The following CALCRL variants were observed in gnomAD, a reference collection of about 807,000 sequenced individuals.
CALCRL encodes the protein calcitonin receptor like receptor, also known as calcitonin gene-related peptide type 1 receptor.
In CALCRL, 27 loss-of-function variants were observed where a neutral mutation model predicts 60.4. The ratio of observed to expected loss-of-function variants is 0.45; its 90% CI spans 0.33 to 0.62. The LOEUF (loss-of-function observed/expected upper bound fraction) is 0.62. Among genes scored for constraint, CALCRL ranks in the 20% least tolerant of loss-of-function variants. The pLI is 0.03. For missense variants in CALCRL, 424 were observed against 540.7 expected (o/e 0.78, Z 2.14); for synonymous variants, 190 against 182.6 (o/e 1.04, Z -0.33).
intron 1 of CALCRL, among the ~76,000 whole-genome samples, chr2:187,396,020 G>GTTT (rs5837034): frequency 2.0e-4 from 29 of 144,816 alleles, no homozygotes; most frequent in African/African-American, 7.1e-4. Flanking sequence ...TCCTGACACT[G>GTTT]TTTGTTGTTG....
rs538024766 is a variant in CALCRL, at chr2:187,367,742, A to C, written c.501-4240T>G. 2.0e-5 allele frequency among the ~76,000 whole-genome samples: 3 copies of C among 152,224 alleles called. No individual in the cohort carries two copies. The South Asian group carries it at 6.2e-4, about 32-fold the overall frequency. On this transcript the variant is annotated intron_variant, in intron 8 of 14. Coordinates refer to ENST00000392370, the MANE Select transcript of CALCRL (RefSeq NM_005795.6). The stretch of plus-strand genomic sequence containing the variant: ...TTTACAAAAATCCTTCGATTTCTTT[A>C]AATTTTATAATATCCCTTTCTATCC...
At chr2:187,379,130 A>G in intron 7 of CALCRL, 99 bp from the exon 8 acceptor site, 1 of 636,850 alleles carries the variant, frequency 1.6e-6, no homozygotes, top group East Asian at 2.6e-5. Flanking sequence ...AATAAACTAT[A>G]TTTTTAGAAA....
chr2:187,444,740 C>A (rs1691090292), intron 1 of CALCRL, among the ~76,000 whole-genome samples: 1 of 151,336 alleles, frequency 6.6e-6, no homozygotes, highest in South Asian at 2.1e-4. Context: ...CTTATTATGT[C>A]CTTAAAAATT....
chr2:187,380,630 T>A, intron 6 of CALCRL, 47 bp downstream of exon 6: 2 of 1,570,978 alleles, frequency 1.3e-6, no homozygotes, highest in Non-Finnish European at 1.8e-6. Context: ...ACCTAGGATT[T>A]ATTAAATAGA....
intron 1 of CALCRL, among the ~76,000 whole-genome samples, chr2:187,401,157 A>G (rs1688872259): frequency 1.3e-5 from 2 of 151,662 alleles, no homozygotes; most frequent in Admixed American, 6.6e-5. Flanking sequence ...CATGAAGTGT[A>G]CGGGTATAGC....
chr2:187,402,261 T>C (rs1030091604), intron 1 of CALCRL, among the ~76,000 whole-genome samples: 1 of 151,704 alleles, frequency 6.6e-6, no homozygotes, highest in African/African-American at 2.4e-5. Context: ...GATCCAGAAA[T>C]GCTAAAAATT....
chr2:187,434,666 ATTGT>A (rs1690554125), intron 1 of CALCRL, among the ~76,000 whole-genome samples: 2 of 152,170 alleles, frequency 1.3e-5, no homozygotes, highest in Admixed American at 6.6e-5. Flanking sequence ...TCATAGCCTC[ATTGT>A]TTGTAATATC....
chr2:187,392,658 ATTG>A (rs1335368877), intron 1 of CALCRL, among the ~76,000 whole-genome samples: 10 of 152,090 alleles, frequency 6.6e-5, no homozygotes, highest in Non-Finnish European at 1.5e-4. Flanking sequence ...TTGTGCTAGA[ATTG>A]TTGTTGCAAG....
At chr2:187,389,706 G>A (rs1688353718) in intron 1 of CALCRL, among the ~76,000 whole-genome samples, 1 of 151,880 alleles carries the variant, frequency 6.6e-6, no homozygotes, top group Admixed American at 6.6e-5. Flanking sequence ...TTTCAGGATG[G>A]TGGGGACACT....
chr2:187,378,899 G>A, intron 8 of CALCRL, 41 bp downstream of exon 8: 2 of 1,164,776 alleles, frequency 1.7e-6, no homozygotes, highest in Non-Finnish European at 2.6e-6. Context: ...ATTCACCCAA[G>A]ACATCTAGTA....
intron 14 of CALCRL, 133 bp from the exon 15 acceptor site, chr2:187,346,532 A>G (rs1686283039): frequency 1.7e-6 from 1 of 596,188 alleles, no homozygotes; most frequent in Admixed American, 3.2e-5. Flanking sequence ...TCAGTGAATA[A>G]TATAGCTTCA....
chr2:187,446,371 G>A (rs780671852), intron 1 of CALCRL, among the ~76,000 whole-genome samples: 11 of 151,452 alleles, frequency 7.3e-5, no homozygotes, highest in Middle Eastern at 3.4e-3. Context: ...AATGTTCATC[G>A]CCTAGTGTTT....
chr2:187,396,526 G>T lies in CALCRL; in HGVS notation c.-292-8770C>A, dbSNP rs182986967. On this transcript the variant is annotated intron_variant, in intron 1 of 14. Transcript: ENST00000392370. ...ATTTAAGAGAAAATCACTAAGCCAA[G>T]ACTTTTAAATATGCAGAGTAACAGA... 9.5e-4 allele frequency among the ~76,000 whole-genome samples: 144 copies of T among 151,844 alleles called. 2 individuals carry two copies. Among genetic ancestry groups the T allele is most frequent in the African/African-American group, 3.3e-3 (137 of 41,486 alleles).
Position 187,352,150 on chromosome 2 carries a change from T to C in CALCRL, c.1092A>G (p.Val364=), listed in dbSNP as rs1686562986. ...TAAGGATGTGCATGATGTAGTCATA[T>C]ACCTCCTCTGCAATCTTTCCTTCAG... ...WRPEGKIAEE[V]YDYIMHILMH... is the part of the protein sequence containing the mutation. The change falls in exon 13 of 15, where the codon GTA becomes GTG. Residue 364 remains valine, a synonymous_variant. Transcript: ENST00000392370. 6.2e-7 allele frequency: 1 copy of C among 1,612,418 alleles called. No individual in the cohort carries two copies. The highest frequency in any genetic ancestry group is 8.5e-7 in the Non-Finnish European group (1 of 1,178,876).
At chr2:187,378,369 T>C (rs1412150300) in intron 8 of CALCRL, among the ~76,000 whole-genome samples, 1 of 152,174 alleles carries the variant, frequency 6.6e-6, no homozygotes, top group Non-Finnish European at 1.5e-5. Flanking sequence ...AATTTAAAAT[T>C]GGTTGTTGAT....
At chr2:187,446,763 T>A (rs975905131) in intron 1 of CALCRL, among the ~76,000 whole-genome samples, 1 of 151,820 alleles carries the variant, frequency 6.6e-6, no homozygotes, top group Non-Finnish European at 1.5e-5. Flanking sequence ...GCCATGATAC[T>A]CTTAAAGAAT....
chr2:187,357,499 G>A (rs1346104354), intron 12 of CALCRL, among the ~76,000 whole-genome samples: 3 of 142,516 alleles, frequency 2.1e-5, no homozygotes, highest in Non-Finnish European at 4.6e-5. Context: ...ACTGGGGCCT[G>A]TCGGGGGGTG....
intron 1 of CALCRL, among the ~76,000 whole-genome samples, chr2:187,392,046 CA>C (rs1688468039): frequency 6.6e-6 from 1 of 151,986 alleles, no homozygotes; most frequent in Admixed American, 6.6e-5. Flanking sequence ...TTTATAAGAA[CA>C]CAAAAAAACA....
chr2:187,367,299 A>G (rs1687340805), intron 8 of CALCRL, among the ~76,000 whole-genome samples: 2 of 152,124 alleles, frequency 1.3e-5, no homozygotes, highest in Non-Finnish European at 1.5e-5. Flanking sequence ...CCATCGCCAC[A>G]TCATTTCATT....
Sources: gnomAD v4.1 joint callset for allele counts (sites outside exome capture counted in the v4.1 genomes callset) on GRCh38, gnomAD v4.1.1 for gene constraint, MANE v1.5 for transcripts, NCBI Gene and HGNC (gene_info 2026-07-23, HGNC 2026-07-21) for gene names.